The following DMP1 variants were observed in gnomAD, a reference collection of about 807,000 sequenced individuals.
DMP1 encodes the protein dentin matrix protein 1.
Under a neutral mutation model 14.6 loss-of-function variants are expected in DMP1, and 20 were observed. That is an observed-to-expected ratio of 1.37 (90% CI 0.96 to 1.99). The LOEUF (loss-of-function observed/expected upper bound fraction) is 1.99. Ranked by LOEUF, DMP1 falls within the 30% of genes most tolerant of loss-of-function variation. The pLI is 0.00. For missense variants in DMP1, 567 were observed against 620.5 expected (o/e 0.91, Z 0.92); for synonymous variants, 197 against 215.3 (o/e 0.91, Z 0.75).
At chr4:87,656,887 C>T (rs1728713968) in intron 2 of DMP1, 145 bp from the exon 3 acceptor site, 1 of 666,432 alleles carries the variant, frequency 1.5e-6, no homozygotes, top group Non-Finnish European at 2.7e-6. Context: ...GGATAGGAAA[C>T]AGAAATCAGT....
rs1728698614 is a variant in DMP1, at chr4:87,656,501, C to T, written c.9C>T (p.Ile3=). 6.2e-7 allele frequency: 1 copy of T among 1,607,928 alleles called. No individual in the cohort carries two copies. The highest frequency in any genetic ancestry group is 1.7e-5 in the Admixed American group (1 of 59,998). The change falls in exon 2 of 6, where the codon ATC becomes ATT. Residue 3 remains isoleucine (I), a synonymous_variant. Transcript: ENST00000339673. MK[I]SILLMFLWGL... ...AGGTATCACACCCAACTATGAAGAT[C>T]AGCATCCTGCTCATGTTCCTTTGGG...
chr4:87,658,390 A>C (rs868381979), intron 3 of DMP1, among the ~76,000 whole-genome samples: 1 of 152,228 alleles, frequency 6.6e-6, no homozygotes, highest in African/African-American at 2.4e-5. Flanking sequence ...AGAAGTTGCT[A>C]AGGCATTCTT....
chr4:87,658,136 A>G (rs1728752245), intron 3 of DMP1, among the ~76,000 whole-genome samples: 1 of 152,194 alleles, frequency 6.6e-6, no homozygotes, highest in Admixed American at 6.5e-5. Flanking sequence ...TCCACCCATT[A>G]ATTCCAAATG....
In DMP1 at chr4:87,663,139, G is replaced by A; in HGVS notation, c.1361G>A (p.Ser454Asn). ...GAAAGCCATTCTGAGGAAGACGACA[G>A]TGACTCTCAAGACAGCAGCAGATCC... Reference protein sequence around the residue: ...SEESHSEEDDSDSQDSSRSKE... With the variant: ...SEESHSEEDDNDSQDSSRSKE... The change falls in exon 6 of 6, where the codon AGT (serine) becomes AAT (asparagine). Residue 454 changes from serine (S) to asparagine (N), a missense_variant. By Grantham distance (46) the Ser-to-Asn change is conservative (BLOSUM62 1). Coordinates refer to ENST00000339673, the MANE Select transcript of DMP1 (RefSeq NM_004407.4). The A allele has an allele frequency of 6.2e-7, 1 of 1,614,218 alleles. No individual in the cohort carries two copies. The highest frequency in any genetic ancestry group is 8.5e-7 in the Non-Finnish European group (1 of 1,180,044).
chr4:87,653,264 C>G (rs1728569549), intron 1 of DMP1, among the ~76,000 whole-genome samples: 1 of 150,826 alleles, frequency 6.6e-6, no homozygotes, highest in African/African-American at 2.4e-5. Flanking sequence ...AAATGAGAAG[C>G]CTGTTCAGGC....
At chr4:87,657,846 C>T (rs1728743437) in intron 3 of DMP1, among the ~76,000 whole-genome samples, 1 of 152,180 alleles carries the variant, frequency 6.6e-6, no homozygotes, top group Non-Finnish European at 1.5e-5. Context: ...TTGTTCACTA[C>T]TGTGTTTCCT....
intron 1 of DMP1, among the ~76,000 whole-genome samples, chr4:87,655,625 G>C (rs1362256586): frequency 3.3e-5 from 5 of 152,090 alleles, no homozygotes; most frequent in Non-Finnish European, 1.5e-5. Flanking sequence ...AATCTATTTT[G>C]TGTAGACATT....
At chr4:87,658,560 T>C (rs1303980745) in intron 3 of DMP1, among the ~76,000 whole-genome samples, 1 of 152,238 alleles carries the variant, frequency 6.6e-6, no homozygotes, top group Admixed American at 6.5e-5. Context: ...TTTTATAAGG[T>C]GGATGTTATC....
rs139666337 is a variant in DMP1 at position 87,654,243 on chromosome 4, C to T, written c.-21-2229C>T. 2.3e-4 allele frequency among the ~76,000 whole-genome samples: 35 copies of T among 152,198 alleles called. No homozygotes were observed. In the East Asian group the frequency reaches 4.1e-3, roughly 18 times the overall value. ...AGGGTAATATTTTCAGGTTTTATTG[C>T]TGGCTTTGGGGAAAAGAGGTTCTGG... On this transcript the variant is annotated intron_variant, in intron 1 of 5. Coordinates refer to ENST00000339673, the MANE Select transcript of DMP1 (RefSeq NM_004407.4).
rs1728999382 is a variant in DMP1, at chr4:87,663,643, T to C, written c.*323T>C. 2.5e-6 allele frequency: 1 copy of C among 401,462 alleles called. No homozygotes were observed. The highest frequency in any genetic ancestry group is 2.2e-5 in the South Asian group (1 of 45,652). 24.9% of individuals were successfully genotyped at this position (401,462 alleles called of 1,614,324 possible). ...TGGGTGTCCATGATATACCAGGCAC[T>C]ATGCTAGGTGTTGAGAATGTAAAGC... On this transcript the variant is annotated 3_prime_UTR_variant, in exon 6 of 6. Transcript: ENST00000339673.
rs6816379 is a variant in DMP1 at position 87,663,649 on chromosome 4, A to C, written c.*329A>C. Reference sequence around the variant, plus strand: ...TCCATGATATACCAGGCACTATGCTAGGTGTTGAGAATGTAAAGCAGGTTA... The same window carrying C: ...TCCATGATATACCAGGCACTATGCTCGGTGTTGAGAATGTAAAGCAGGTTA... On this transcript the variant is annotated 3_prime_UTR_variant, in exon 6 of 6. Coordinates refer to ENST00000339673, the MANE Select transcript of DMP1 (RefSeq NM_004407.4). 0.02 allele frequency: 7,738 copies of C among 390,362 alleles called. 130 individuals carry two copies. Among genetic ancestry groups the C allele is most frequent in the African/African-American group, 0.057 (2,744 of 48,400 alleles). 24.2% of individuals were successfully genotyped at this position (390,362 alleles called of 1,614,324 possible). A position where few individuals can be genotyped will look rare whatever the true frequency, so the allele number is the denominator to read the frequency against.
chr4:87,659,070 T>C, intron 3 of DMP1, 150 bp from the exon 4 acceptor site: 1 of 781,536 alleles, frequency 1.3e-6, no homozygotes, highest in Non-Finnish European at 2.1e-6. Context: ...TTTGGAACCA[T>C]TTCATCATAA....
chr4:87,650,345 T>G lies in DMP1; in HGVS notation c.-61T>G, dbSNP rs1728503700. ...CCTCTTTGAGAACATCAACCTGATT[T>G]TTGAGACTTTTTGAAAAAATTCTTT... On this transcript the variant is annotated 5_prime_UTR_variant, in exon 1 of 6. Transcript: ENST00000339673. 6.6e-6 allele frequency: 1 copy of G among 152,238 alleles called. No individual in the cohort carries two copies. Among genetic ancestry groups the G allele is most frequent in the Non-Finnish European group, 1.5e-5 (1 of 68,040 alleles). The allele number at this position is 152,238 out of a possible 1,614,324, so 9.4% of individuals were successfully genotyped here.
chr4:87,651,908 A>T (rs1368695340), intron 1 of DMP1, among the ~76,000 whole-genome samples: 1 of 152,188 alleles, frequency 6.6e-6, no homozygotes, highest in Non-Finnish European at 1.5e-5. Context: ...GTTTACATAA[A>T]AGAAGATATA....
chr4:87,653,865 T>C (rs1481825131), intron 1 of DMP1, among the ~76,000 whole-genome samples: 1 of 151,992 alleles, frequency 6.6e-6, no homozygotes, highest in Non-Finnish European at 1.5e-5. Flanking sequence ...AAAATATAGA[T>C]TAATAGGAGA....
intron 3 of DMP1, among the ~76,000 whole-genome samples, chr4:87,658,406 GC>G (rs371264054): frequency 2.6e-5 from 4 of 152,340 alleles, no homozygotes; most frequent in African/African-American, 9.6e-5. Context: ...TTCTTATAGT[GC>G]TTATGAGACT....
At chr4:87,660,254 A>G (rs1389404239) in intron 5 of DMP1, among the ~76,000 whole-genome samples, 2 of 152,218 alleles carry the variant, frequency 1.3e-5, no homozygotes, top group Non-Finnish European at 2.9e-5. Flanking sequence ...CTAGAAATTT[A>G]AAAGCATAGA....
chr4:87,653,780 A>G (rs1273557908), intron 1 of DMP1, among the ~76,000 whole-genome samples: 1 of 151,552 alleles, frequency 6.6e-6, no homozygotes, highest in Non-Finnish European at 1.5e-5. Context: ...TTGGCTTTTA[A>G]CTCCTATCAT....
rs368389439 is a variant in DMP1, at chr4:87,662,818, C to T, written c.1040C>T (p.Ser347Leu). 1.6e-5 allele frequency: 26 copies of T among 1,612,472 alleles called. No individual in the cohort carries two copies. The East Asian group carries it at 5.1e-4, about 32-fold the overall frequency. Residue 347 changes from serine to leucine, a missense_variant, in exon 6 of 6, where the codon TCA (serine) becomes TTA (leucine). Physicochemically the swap from Ser to Leu is moderately radical, Grantham distance 145. Coordinates refer to ENST00000339673, the MANE Select transcript of DMP1 (RefSeq NM_004407.4). ...GAGTCCAGCCAAGAGGCCAACCTGT[C>T]ATCTCAAGAGAACAGCAGTGAGTCT... ...SSESSQEANL[S>L]SQENSSESQE...
Sources: allele counts gnomAD v4.1 joint callset (sites outside exome capture counted in the v4.1 genomes callset), GRCh38; gene constraint gnomAD v4.1.1; transcripts MANE v1.5; gene names NCBI Gene and HGNC (gene_info 2026-07-23, HGNC 2026-07-21).